CCSER1: variants seen among roughly 807,000 people sequenced by gnomAD.
The protein encoded by CCSER1 is serine-rich coiled-coil domain-containing protein 1.
A neutral mutation model predicts 82.0 loss-of-function variants in CCSER1; 41 were observed. The ratio of observed to expected loss-of-function variants is 0.50; its 90% CI spans 0.39 to 0.65. The LOEUF (loss-of-function observed/expected upper bound fraction) is 0.65. Ranked by LOEUF, CCSER1 falls within the 30% of genes least tolerant of loss-of-function variation. The pLI is 0.00. For synonymous variants in CCSER1, 414 were observed against 383.9 expected (o/e 1.08, Z -0.92); for missense variants, 1,119 against 1,064.2 (o/e 1.05, Z -0.72).
chr4:90,863,039 T>C (rs1765290913), intron 8 of CCSER1, among the ~76,000 whole-genome samples: 1 of 150,854 alleles, frequency 6.6e-6, no homozygotes, highest in Admixed American at 6.6e-5. Context: ...GCTGCACCCA[T>C]TAACTCATCA....
chr4:90,878,983 A>T (rs982092072), intron 8 of CCSER1, among the ~76,000 whole-genome samples: 2 of 152,186 alleles, frequency 1.3e-5, no homozygotes, highest in African/African-American at 4.8e-5. Flanking sequence ...TAACATAACC[A>T]AAAATGATGC....
chr4:91,003,083 A>G (rs2150481380), intron 9 of CCSER1, among the ~76,000 whole-genome samples: 1 of 152,292 alleles, frequency 6.6e-6, no homozygotes, highest in African/African-American at 2.4e-5. Flanking sequence ...GTCTGCACAG[A>G]GTCCTGTGAT....
intron 4 of CCSER1, among the ~76,000 whole-genome samples, chr4:90,439,843 T>C (rs1759593279): frequency 6.6e-6 from 1 of 152,158 alleles, no homozygotes; most frequent in African/African-American, 2.4e-5. Context: ...TCTAAACCTT[T>C]TACTTTTTGT....
At chr4:91,428,799 A>G (rs1022607696) in intron 10 of CCSER1, among the ~76,000 whole-genome samples, 2 of 152,048 alleles carry the variant, frequency 1.3e-5, no homozygotes, top group Admixed American at 6.5e-5. Context: ...GCATTTTAGT[A>G]TTGTTTGAAA....
chr4:91,545,584 C>T (rs1761846575), intron 10 of CCSER1, among the ~76,000 whole-genome samples: 1 of 151,856 alleles, frequency 6.6e-6, no homozygotes, highest in African/African-American at 2.4e-5. Flanking sequence ...TTTAAAATTC[C>T]ACTCATTCAT....
At chr4:91,408,359 G>A (rs553515978) in intron 10 of CCSER1, among the ~76,000 whole-genome samples, 22 of 152,228 alleles carry the variant, frequency 1.4e-4, no homozygotes, top group African/African-American at 4.8e-4. Context: ...ACTATCAATT[G>A]TACAAGAATG....
chr4:90,933,089 AAAG>A (rs796150744), intron 9 of CCSER1, among the ~76,000 whole-genome samples: 4,009 of 142,760 alleles, frequency 0.028, 679 homozygotes, highest in African/African-American at 0.091. Flanking sequence ...AAAGAAAAGA[AAAG>A]AAAGAAAGAA....
At chr4:90,808,002 G>C (rs1757750918) in intron 7 of CCSER1, among the ~76,000 whole-genome samples, 2 of 152,046 alleles carry the variant, frequency 1.3e-5, no homozygotes, top group South Asian at 2.1e-4. Flanking sequence ...TTACTACAAG[G>C]CTATAGTAAC....
At chr4:90,852,721 A>G (rs899209296) in intron 8 of CCSER1, among the ~76,000 whole-genome samples, 2 of 152,240 alleles carry the variant, frequency 1.3e-5, no homozygotes, top group East Asian at 3.8e-4. Flanking sequence ...AAGGAAGGGT[A>G]AATGAAGTAG....
intron 10 of CCSER1, among the ~76,000 whole-genome samples, chr4:91,581,247 G>A (rs1296506617): frequency 1.3e-5 from 2 of 151,646 alleles, no homozygotes; most frequent in African/African-American, 4.8e-5. Context: ...CTTCACCAGC[G>A]ATATTAGATA....
chr4:90,816,162 T>C (rs888647712), intron 8 of CCSER1, among the ~76,000 whole-genome samples: 3 of 152,218 alleles, frequency 2.0e-5, no homozygotes, highest in Non-Finnish European at 4.4e-5. Flanking sequence ...AAGTGCATGA[T>C]TTAACTCCAT....
At chr4:91,173,623 A>C (rs896071451) in intron 10 of CCSER1, among the ~76,000 whole-genome samples, 2 of 147,068 alleles carry the variant, frequency 1.4e-5, no homozygotes, top group African/African-American at 5.0e-5. Context: ...AAAAAAAGTG[A>C]TAAGAGTCTC....
chr4:90,513,862 C>A, intron 5 of CCSER1, among the ~76,000 whole-genome samples: 1 of 152,026 alleles, frequency 6.6e-6, no homozygotes, highest in Non-Finnish European at 1.5e-5. Context: ...TCTGATGTTA[C>A]GAGTTTCAAA....
intron 4 of CCSER1, among the ~76,000 whole-genome samples, chr4:90,401,866 T>C (rs369604877): frequency 1.3e-5 from 2 of 152,172 alleles, no homozygotes; most frequent in South Asian, 2.1e-4. Flanking sequence ...AACTTTTCTT[T>C]TCAAGGATGG....
intron 10 of CCSER1, among the ~76,000 whole-genome samples, chr4:91,498,643 T>A (rs1370659025): frequency 1.3e-5 from 2 of 151,788 alleles, no homozygotes; most frequent in Non-Finnish European, 2.9e-5. Flanking sequence ...ATTTCTCTTT[T>A]TTATTTTGTA....
At chr4:90,209,108 T>G (rs748049334) in intron 1 of CCSER1, among the ~76,000 whole-genome samples, 1 of 152,202 alleles carries the variant, frequency 6.6e-6, no homozygotes, top group Non-Finnish European at 1.5e-5. Flanking sequence ...GCTTACTTGT[T>G]TATAAGAAAT....
intron 5 of CCSER1, among the ~76,000 whole-genome samples, chr4:90,622,521 T>A (rs1295562410): frequency 2.0e-5 from 3 of 152,136 alleles, no homozygotes; most frequent in Non-Finnish European, 4.4e-5. Context: ...ATGCGGTGTT[T>A]GTTTTTTTGT....
At chr4:90,927,156 T>C (rs1729170299) in intron 9 of CCSER1, among the ~76,000 whole-genome samples, 1 of 152,032 alleles carries the variant, frequency 6.6e-6, no homozygotes, top group South Asian at 2.1e-4. Context: ...CTGAAGAAGA[T>C]TGTTTTTGAA....
chr4:90,426,989 A>G (rs1459567346), intron 4 of CCSER1, among the ~76,000 whole-genome samples: 5 of 150,148 alleles, frequency 3.3e-5, no homozygotes, highest in Non-Finnish European at 6.0e-5. Flanking sequence ...AGAAAATGAT[A>G]TATCTGCAGG....
Sources: allele counts gnomAD v4.1 joint callset (sites outside exome capture counted in the v4.1 genomes callset), GRCh38; gene constraint gnomAD v4.1.1; transcripts MANE v1.5; gene names NCBI Gene and HGNC (gene_info 2026-07-23, HGNC 2026-07-21).